Variants in CACNA2D1 observed in about 807,000 individuals in gnomAD.
CACNA2D1 encodes voltage-dependent calcium channel subunit alpha-2/delta-1.
In CACNA2D1, 53 loss-of-function variants were observed where a neutral mutation model predicts 171.5. That is an observed-to-expected ratio of 0.31 (90% confidence interval 0.25 to 0.39). The LOEUF is 0.39. Among genes scored for constraint, CACNA2D1 ranks in the 10% least tolerant of loss-of-function variants. CACNA2D1 has a pLI of 1.00. For synonymous variants in CACNA2D1, 442 were observed against 443.1 expected, an observed-to-expected ratio of 1.00 and a Z score of 0.03; for missense variants, 903 against 1,299.8, an observed-to-expected ratio of 0.69 and a Z score of 4.69.
At chr7:82,282,836 G>A (rs1162719607) in intron 3 of CACNA2D1, among the ~76,000 whole-genome samples, 1 of 151,980 alleles carries the variant, frequency 6.6e-6, no homozygotes, top group East Asian at 1.9e-4. Context: ...ATGTGCGTGT[G>A]GCAGGGAGGG....
At chr7:82,177,591 G>A (rs895102644) in intron 3 of CACNA2D1, among the ~76,000 whole-genome samples, 2 of 140,256 alleles carry the variant, frequency 1.4e-5, no homozygotes, top group African/African-American at 4.9e-5. Context: ...AAACTAAGCT[G>A]GAGCCATTTC....
chr7:82,184,300 T>C (rs1797449257), intron 3 of CACNA2D1, among the ~76,000 whole-genome samples: 1 of 151,958 alleles, frequency 6.6e-6, no homozygotes, highest in Non-Finnish European at 1.5e-5. Flanking sequence ...CTATGATGTG[T>C]AAATCAATCA....
At chr7:82,365,104 A>C (rs1016730607) in intron 1 of CACNA2D1, among the ~76,000 whole-genome samples, 8 of 152,210 alleles carry the variant, frequency 5.3e-5, no homozygotes, top group Non-Finnish European at 1.2e-4. Context: ...GGCATGAGGG[A>C]CAAGGACATC....
intron 3 of CACNA2D1, among the ~76,000 whole-genome samples, chr7:82,207,330 G>C (rs1800104367): frequency 6.6e-6 from 1 of 152,122 alleles, no homozygotes; most frequent in Non-Finnish European, 1.5e-5. Context: ...CTATGCCTCA[G>C]TTCATGCTTC....
chr7:82,128,207 G>C (rs1790561576), intron 5 of CACNA2D1, among the ~76,000 whole-genome samples: 1 of 151,922 alleles, frequency 6.6e-6, no homozygotes, highest in South Asian at 2.1e-4. Context: ...TGGGATTACA[G>C]GTGTGCACCA....
intron 1 of CACNA2D1, among the ~76,000 whole-genome samples, chr7:82,431,050 C>G (rs962238333): frequency 2.0e-5 from 3 of 152,170 alleles, no homozygotes; most frequent in Admixed American, 2.0e-4. Flanking sequence ...TTCACGGTCT[C>G]TTTTAGGACA....
intron 4 of CACNA2D1, among the ~76,000 whole-genome samples, chr7:82,149,656 C>T (rs544324663): frequency 1.3e-5 from 2 of 151,928 alleles, no homozygotes; most frequent in Admixed American, 6.6e-5. Flanking sequence ...TGTGCTTGGC[C>T]GGGTGCTCAC....
At chr7:82,182,230 A>G (rs1054317387) in intron 3 of CACNA2D1, among the ~76,000 whole-genome samples, 9 of 152,106 alleles carry the variant, frequency 5.9e-5, no homozygotes, top group African/African-American at 2.2e-4. Context: ...AAAGTTTATA[A>G]AAGGTAGAAG....
intron 1 of CACNA2D1, among the ~76,000 whole-genome samples, chr7:82,401,529 G>T (rs1329105833): frequency 6.8e-6 from 1 of 146,792 alleles, no homozygotes; most frequent in Non-Finnish European, 1.5e-5. Flanking sequence ...ACACAGGAAG[G>T]GGAACATCAC....
chr7:82,337,737 T>A (rs574320420), intron 2 of CACNA2D1, among the ~76,000 whole-genome samples: 1 of 152,266 alleles, frequency 6.6e-6, no homozygotes, highest in African/African-American at 2.4e-5. Flanking sequence ...TGGCCTTCGT[T>A]TTTTCTCTAC....
chr7:82,116,212 A>T (rs1313575930), intron 6 of CACNA2D1, among the ~76,000 whole-genome samples: 1 of 152,146 alleles, frequency 6.6e-6, no homozygotes, highest in Admixed American at 6.6e-5. Context: ...AAGAATAAAT[A>T]ATATGGAAGA....
chr7:82,091,270 G>C (rs117723216), intron 6 of CACNA2D1, among the ~76,000 whole-genome samples: 3 of 152,130 alleles, frequency 2.0e-5, no homozygotes, highest in African/African-American at 7.2e-5. Context: ...AATCCACCTC[G>C]CACTGAGGAT....
At chr7:82,134,005 G>T (rs1791318209) in intron 5 of CACNA2D1, among the ~76,000 whole-genome samples, 1 of 151,916 alleles carries the variant, frequency 6.6e-6, no homozygotes, top group African/African-American at 2.4e-5. Flanking sequence ...CCCAGGAGGT[G>T]GAGCTTGCAG....
In CACNA2D1 at chr7:81,974,515, T is replaced by C. The variant is rs780901801; in HGVS notation, c.1993A>G (p.Thr665Ala). 1.0e-5 allele frequency: 16 copies of C among 1,576,024 alleles called. No homozygotes were observed. The highest frequency in any genetic ancestry group is 1.3e-5 in the Non-Finnish European group (15 of 1,147,000). The change falls in exon 25 of 39, where the codon ACT becomes GCT. Residue 665 changes from threonine (T) to alanine (A), a missense_variant. Physicochemically the swap from Thr to Ala is moderately conservative, Grantham distance 58. Around this residue, in one of 5 missense-constraint regions of CACNA2D1, gnomAD observed 623 missense variants for 925.5 expected, o/e 0.67. Coordinates refer to ENST00000356860, the MANE Select transcript of CACNA2D1 (RefSeq NM_000722.4). ...TCGTTGAAATTTAAAAGAAATTCAGTGTTATTATCCGATATTTTCAGGTCA... is the reference window on the plus strand; with the variant it reads ...TCGTTGAAATTTAAAAGAAATTCAGCGTTATTATCCGATATTTTCAGGTCA... ...CNDLKISDNN[T>A]EFLLNFNEFI...
chr7:82,349,718 A>T, intron 1 of CACNA2D1, 69 bp from the exon 2 acceptor site: 1 of 1,154,954 alleles, frequency 8.7e-7, no homozygotes, highest in Non-Finnish European at 1.3e-6. Flanking sequence ...CTGATATTTT[A>T]TATCCACGCT....
chr7:82,286,325 C>T (rs1160853902), intron 3 of CACNA2D1, among the ~76,000 whole-genome samples: 1 of 152,142 alleles, frequency 6.6e-6, no homozygotes, highest in East Asian at 1.9e-4. Flanking sequence ...CTCTTACCCT[C>T]ATACTCGCTA....
chr7:82,038,814 G>A (rs566311065), intron 10 of CACNA2D1, among the ~76,000 whole-genome samples: 2 of 152,272 alleles, frequency 1.3e-5, no homozygotes, highest in South Asian at 2.1e-4. Flanking sequence ...AGAGTGCCAG[G>A]GGAACCTTGG....
intron 3 of CACNA2D1, among the ~76,000 whole-genome samples, chr7:82,171,665 T>C (rs919490915): frequency 6.6e-6 from 1 of 152,098 alleles, no homozygotes; most frequent in African/African-American, 2.4e-5. Flanking sequence ...AATGGTTCTG[T>C]TTTCTCCCTG....
At chr7:82,327,228 G>C (rs912738365) in intron 3 of CACNA2D1, among the ~76,000 whole-genome samples, 7 of 152,180 alleles carry the variant, frequency 4.6e-5, no homozygotes. Context: ...GCCCAATTTT[G>C]TTCAGAGAAG....
Sources: gnomAD v4.1 joint callset for allele counts (sites outside exome capture counted in the v4.1 genomes callset) on GRCh38, gnomAD v4.1.1 for gene constraint, gnomAD v4.1.1 regional missense constraint, MANE v1.5 for transcripts, NCBI Gene and HGNC (gene_info 2026-07-23, HGNC 2026-07-21) for gene names.